The following SLC24A1 variants were observed in gnomAD, a reference collection of about 807,000 sequenced individuals.
SLC24A1 encodes the protein solute carrier family 24 member 1.
SLC24A1 carries 52 observed loss-of-function variants against 88.1 expected under a neutral mutation model. That is an observed-to-expected ratio of 0.59 (90% CI 0.47 to 0.74). SLC24A1 has a LOEUF of 0.74. Ranked by LOEUF, SLC24A1 falls within the 30% of genes least tolerant of loss-of-function variation. SLC24A1 has a pLI of 0.00. For synonymous variants in SLC24A1, 455 were observed against 498.0 expected (o/e 0.91, Z 1.15); for missense variants, 1,173 against 1,363.3 (o/e 0.86, Z 2.20).
rs1208508634 is a variant in SLC24A1, at chr15:65,650,364, G to A, written c.2233-18G>A. On this transcript the variant is annotated intron_variant, in intron 6 of 9. Transcript: ENST00000261892. This position sits in a 1 kb window ranked among gnomAD's most constrained non-coding sequence, Gnocchi z 4.1. ...CAGAGCAGTTACCACACATTAATCT[G>A]TTGGTTTTGGATTGCAGGAAGATGT... The A allele has an allele frequency of 6.5e-7, 1 of 1,545,220 alleles. No individual in the cohort carries two copies. The highest frequency in any genetic ancestry group is 8.8e-7 in the Non-Finnish European group (1 of 1,142,316).
At chr15:65,657,539 A>T (rs1382732753), downstream of SLC24A1, among the ~76,000 whole-genome samples, 1 of 152,186 alleles carries the variant, frequency 6.6e-6, no homozygotes, top group Admixed American at 6.5e-5. Context: ...GCTACTCGGG[A>T]GGCTGAGGCA....
chr15:65,636,849 G>A (rs531912929), intron 2 of SLC24A1, among the ~76,000 whole-genome samples: 100 of 139,166 alleles, frequency 7.2e-4, no homozygotes, highest in African/African-American at 2.9e-3. Context: ...GCACTCCAGC[G>A]CTCTGTCTCA....
chr15:65,640,888 A>G (rs2075102632), intron 4 of SLC24A1, among the ~76,000 whole-genome samples: 1 of 151,362 alleles, frequency 6.6e-6, no homozygotes, highest in Admixed American at 6.6e-5. Flanking sequence ...GTGAAACCCC[A>G]TCTCTACTAA....
chr15:65,654,446 C>T lies in SLC24A1; in HGVS notation c.*367C>T. 8.6e-7 allele frequency: 1 copy of T among 1,164,754 alleles called. No individual in the cohort carries two copies. The highest frequency in any genetic ancestry group is 1.8e-5 in the South Asian group (1 of 55,540). 72.2% of individuals were successfully genotyped at this position (1,164,754 alleles called of 1,614,324 possible). A position where few individuals can be genotyped will look rare whatever the true frequency, so the allele number is the denominator to read the frequency against. On this transcript the variant is annotated 3_prime_UTR_variant, in exon 10 of 10. Coordinates refer to ENST00000261892, the MANE Select transcript of SLC24A1 (RefSeq NM_004727.3). ...GCTCCTACGCTCACTGTTCCCTGAT[C>T]ATTCCAAAGGCTGCTGGCCCAAAAG...
chr15:65,624,226 C>T lies in SLC24A1; in HGVS notation c.146C>T (p.Ser49Leu), dbSNP rs775556241. 3.7e-6 allele frequency: 6 copies of T among 1,613,790 alleles called. No homozygotes were observed. In the African/African-American group the frequency reaches 5.3e-5, roughly 14 times the overall value. Reference sequence around the variant, plus strand: ...CTTAGGAGACCCCGGGGCCTTTCCTCATTGTGGGCAGCAGTCTCTTCTCAT... The same window carrying T: ...CTTAGGAGACCCCGGGGCCTTTCCTTATTGTGGGCAGCAGTCTCTTCTCAT... ...QHLRRPRGLS[S>L]LWAAVSSHQP... Residue 49 changes from serine to leucine, a missense_variant, in exon 2 of 10, where the codon TCA becomes TTA. Transcript: ENST00000261892.
intron 2 of SLC24A1, among the ~76,000 whole-genome samples, chr15:65,615,630 A>C (rs2074113040): frequency 6.6e-6 from 1 of 151,816 alleles, no homozygotes. Context: ...GCAGTGAACC[A>C]ACATCATGCC....
chr15:65,630,439 T>C (rs2074676932), intron 2 of SLC24A1, among the ~76,000 whole-genome samples: 1 of 152,194 alleles, frequency 6.6e-6, no homozygotes, highest in African/African-American at 2.4e-5. Flanking sequence ...GCCAGCTACC[T>C]GCTTTGGAGG....
chr15:65,613,277 C>T (rs369187915), intron 2 of SLC24A1, among the ~76,000 whole-genome samples: 1 of 152,188 alleles, frequency 6.6e-6, no homozygotes, highest in African/African-American at 2.4e-5. Context: ...GATCCCCAGT[C>T]TGACAGAGGA....
Position 65,648,672 on chromosome 15 carries a change from A to AT in SLC24A1, c.2233-1702dup, listed in dbSNP as rs527349496. ...ACGCCTGGCTAATTTTTATTTATTTATTTTTTTTAAGTAGATATGGGGTTT... is the reference window on the plus strand; with the variant it reads ...ACGCCTGGCTAATTTTTATTTATTTATTTTTTTTTAAGTAGATATGGGGTTT... On this transcript the variant is annotated intron_variant, in intron 6 of 9. Transcript: ENST00000261892. Among the ~76,000 whole-genome samples, 72 of 151,164 alleles carry AT rather than the reference A, an allele frequency of 4.8e-4. No individual in the cohort carries two copies. In the South Asian group the frequency reaches 0.01, roughly 22 times the overall value.
At chr15:65,621,751 A>C (rs1256655234), upstream of SLC24A1, among the ~76,000 whole-genome samples, 1 of 152,064 alleles carries the variant, frequency 6.6e-6, no homozygotes, top group East Asian at 1.9e-4. Context: ...AGTTTGAGAA[A>C]TCTCCCCAGT....
At chr15:65,617,623 T>C (rs1485693150), upstream of SLC24A1, among the ~76,000 whole-genome samples, 1 of 152,226 alleles carries the variant, frequency 6.6e-6, no homozygotes, top group Non-Finnish European at 1.5e-5. Context: ...AAGGAGATTT[T>C]GGGCTGAGAC....
In SLC24A1 at chr15:65,624,684, C is replaced by G; in HGVS notation, c.604C>G (p.Pro202Ala). ...PRGRRVGTYV[P>A]STFMTMETSH... ...TGGTAGAAGAGTAGGCACTTACGTG[C>G]CGTCCACATTCATGACAATGGAAAC... Residue 202 changes from proline to alanine, a missense_variant, in exon 2 of 10, where the codon CCG (proline) becomes GCG (alanine). Coordinates refer to ENST00000261892, the MANE Select transcript of SLC24A1 (RefSeq NM_004727.3). The G allele has an allele frequency of 6.2e-7, 1 of 1,603,942 alleles. No homozygotes were observed. The highest frequency in any genetic ancestry group is 1.7e-5 in the Admixed American group (1 of 58,000).
chr15:65,623,271 CAT>C (rs1566944785), intron 1 of SLC24A1, among the ~76,000 whole-genome samples: 1 of 152,106 alleles, frequency 6.6e-6, no homozygotes, highest in Non-Finnish European at 1.5e-5. Flanking sequence ...TATATGTTAT[CAT>C]GCCCATTTCA....
intron 2 of SLC24A1, among the ~76,000 whole-genome samples, chr15:65,613,210 T>C (rs902859537): frequency 6.6e-6 from 1 of 152,202 alleles, no homozygotes; most frequent in African/African-American, 2.4e-5. Context: ...TTCCCTTTAT[T>C]TTTTCCTGCC....
At position 65,654,042 on chromosome 15, in the gene SLC24A1, T is replaced by C. The variant is rs1566968480; in HGVS notation, c.3263T>C (p.Leu1088Ser). 1 of 1,613,986 alleles carries C rather than the reference T, an allele frequency of 6.2e-7. No homozygotes were observed. ...YFVFLIISVM[L>S]EDRIISCPVS... Reference sequence around the variant, plus strand: ...GTATTCCTGATAATCAGTGTGATGTTAGAAGATCGAATCATATCCTGTCCT... The same window carrying C: ...GTATTCCTGATAATCAGTGTGATGTCAGAAGATCGAATCATATCCTGTCCT... The change falls in exon 10 of 10, where the codon TTA becomes TCA. Residue 1088 changes from leucine (L) to serine (S), a missense_variant. Coordinates refer to ENST00000261892, the MANE Select transcript of SLC24A1 (RefSeq NM_004727.3).
intron 2 of SLC24A1, among the ~76,000 whole-genome samples, chr15:65,636,703 C>T (rs1026857355): frequency 6.6e-6 from 1 of 151,968 alleles, no homozygotes; most frequent in African/African-American, 2.4e-5. Context: ...TGGTGAAACC[C>T]CATCTCTACT....
At chr15:65,641,550 A>G (rs995519025) in intron 4 of SLC24A1, among the ~76,000 whole-genome samples, 1 of 152,216 alleles carries the variant, frequency 6.6e-6, no homozygotes, top group Non-Finnish European at 1.5e-5. Flanking sequence ...AGAAAAAATA[A>G]AAAGCAATTC....
chr15:65,620,676 A>G (rs887517420), upstream of SLC24A1, among the ~76,000 whole-genome samples: 3 of 152,254 alleles, frequency 2.0e-5, no homozygotes, highest in African/African-American at 7.2e-5. Context: ...GGCAACATTT[A>G]TGAACATATG....
chr15:65,624,610 A>G lies in SLC24A1; in HGVS notation c.530A>G (p.Tyr177Cys). ...ACACCCAGGGGAGAAATGAAGAGCTACAGCCCAACTCAAGTGAGGGAAAAG... is the reference window on the plus strand; with the variant it reads ...ACACCCAGGGGAGAAATGAAGAGCTGCAGCCCAACTCAAGTGAGGGAAAAG... ...TPTPRGEMKS[Y>C]SPTQVREKVK... Residue 177 changes from tyrosine (Y) to cysteine (C), a missense_variant, in exon 2 of 10, where the codon TAC becomes TGC. Physicochemically the swap from Tyr to Cys is radical, Grantham distance 194. Transcript: ENST00000261892. 4.4e-6 allele frequency: 7 copies of G among 1,594,662 alleles called. No homozygotes were observed. The highest frequency in any genetic ancestry group is 5.1e-6 in the Non-Finnish European group (6 of 1,170,522).
Sources: gnomAD v4.1 joint callset for allele counts (sites outside exome capture counted in the v4.1 genomes callset) on GRCh38, gnomAD v4.1.1 for gene constraint, Gnocchi (gnomAD v3.1) non-coding constraint, MANE v1.5 for transcripts, NCBI Gene and HGNC (gene_info 2026-07-23, HGNC 2026-07-21) for gene names.